Variants in VPS13C observed in about 807,000 individuals in gnomAD.
The protein encoded by VPS13C is vacuolar protein sorting 13 homolog C.
Under a neutral mutation model 456.8 loss-of-function variants are expected in VPS13C, and 358 were observed. That is an observed-to-expected ratio of 0.78 (90% CI 0.72 to 0.86). VPS13C has a LOEUF of 0.86. Among genes scored for constraint, VPS13C ranks in the 40% least tolerant of loss-of-function variants. The probability of loss-of-function intolerance (pLI) is 0.00; values close to 1 mark genes in which losing one functional copy is unlikely to be tolerated. For synonymous variants in VPS13C, 1,578 were observed against 1,486.7 expected, an observed-to-expected ratio of 1.06 and a Z score of -1.41; for missense variants, 4,818 against 4,385.4, an observed-to-expected ratio of 1.10 and a Z score of -2.79.
intron 66 of VPS13C, 111 bp downstream of exon 66, chr15:61,907,153 T>C (rs762336388): frequency 1.7e-5 from 26 of 1,532,072 alleles, no homozygotes; most frequent in Non-Finnish European, 2.3e-5. Context: ...TTTCTGGAAA[T>C]ACTTCCAATT....
chr15:61,895,250 T>C (rs1262358402), intron 66 of VPS13C, among the ~76,000 whole-genome samples: 1 of 151,686 alleles, frequency 6.6e-6, no homozygotes, highest in Non-Finnish European at 1.5e-5. Context: ...AATGCCTATA[T>C]CAAAAAAGTA....
intron 45 of VPS13C, among the ~76,000 whole-genome samples, chr15:61,944,761 T>C (rs2044548277): frequency 6.6e-6 from 1 of 152,162 alleles, no homozygotes; most frequent in African/African-American, 2.4e-5. Context: ...ATGTATGCCC[T>C]GAATCTAAAA....
At position 61,961,784 on chromosome 15, in the gene VPS13C, C is replaced by T. The variant is rs139602306; in HGVS notation, c.3713G>A (p.Arg1238His). 78 of 1,613,866 alleles carry T rather than the reference C, an allele frequency of 4.8e-5. No homozygotes were observed. Among genetic ancestry groups the T allele is most frequent in the Non-Finnish European group, 6.4e-5 (76 of 1,179,970 alleles). The change falls in exon 35 of 85, where the codon CGT becomes CAT. Residue 1238 changes from arginine to histidine, a missense_variant. Transcript: ENST00000644861. ...TTTCAAATCAATATTGATGGAAACACGAAAACTCCTCTGGGCAAGATCTTT... is the reference window on the plus strand; with the variant it reads ...TTTCAAATCAATATTGATGGAAACATGAAAACTCCTCTGGGCAAGATCTTT... Reference protein sequence around the residue: ...SVKDLAQRSFRVSINIDLKAP... With the variant: ...SVKDLAQRSFHVSINIDLKAP...
At chr15:61,872,067 G>T (rs1895074334) in intron 78 of VPS13C, 33 bp from the exon 79 acceptor site, 2 of 1,592,824 alleles carry the variant, frequency 1.3e-6, no homozygotes, top group African/African-American at 1.3e-5. Flanking sequence ...AGTTTAGACT[G>T]AATGGAAGGT....
chr15:61,989,663 A>G (rs924218732), intron 18 of VPS13C, among the ~76,000 whole-genome samples: 2 of 152,212 alleles, frequency 1.3e-5, no homozygotes, highest in African/African-American at 2.4e-5. Context: ...TAAAAAGTGC[A>G]AAACCTCTTT....
intron 41 of VPS13C, 142 bp from the exon 42 acceptor site, chr15:61,949,747 C>A: frequency 1.4e-6 from 1 of 710,318 alleles, no homozygotes; most frequent in South Asian, 2.6e-5. Flanking sequence ...TCACTATTAA[C>A]TCACTATTAA....
chr15:62,008,719 C>T lies in VPS13C; in HGVS notation c.1054G>A (p.Val352Ile), dbSNP rs1161509817. Residue 352 changes from valine to isoleucine, a missense_variant, in exon 14 of 85, where the codon GTT becomes ATT. Coordinates refer to ENST00000644861, the MANE Select transcript of VPS13C (RefSeq NM_020821.3). ...IDLLESVDYM[V>I]RNAPYRKYKP... ...TATTTCCTATAAGGCGCATTCCTAA[C>T]CATATAATCCACTGACTCCAAAAGG... The T allele has an allele frequency of 6.2e-7, 1 of 1,606,382 alleles. No individual in the cohort carries two copies. The highest frequency in any genetic ancestry group is 1.3e-5 in the African/African-American group (1 of 74,662).
intron 1 of VPS13C, among the ~76,000 whole-genome samples, chr15:62,051,978 A>G (rs1360849824): frequency 6.6e-6 from 1 of 152,234 alleles, no homozygotes; most frequent in African/African-American, 2.4e-5. Context: ...GAAGAAATTA[A>G]AGTCTAAAGA....
chr15:62,018,197 G>A (rs979612359), intron 9 of VPS13C, among the ~76,000 whole-genome samples: 21 of 152,206 alleles, frequency 1.4e-4, no homozygotes, highest in Admixed American at 5.9e-4. Context: ...CTGAGACGAT[G>A]GGGTTTTCTA....
intron 64 of VPS13C, among the ~76,000 whole-genome samples, chr15:61,909,948 A>G (rs1214818982): frequency 1.7e-5 from 2 of 121,050 alleles, no homozygotes; most frequent in Admixed American, 1.1e-4. Flanking sequence ...GGACACAGGA[A>G]GGGGAACATC....
intron 3 of VPS13C, among the ~76,000 whole-genome samples, chr15:62,039,985 A>G (rs977446526): frequency 6.6e-6 from 1 of 152,176 alleles, no homozygotes; most frequent in Admixed American, 6.5e-5. Context: ...TGAATGGTTA[A>G]AGAAAATGTG....
chr15:61,855,045 A>G, intron 83 of VPS13C, 91 bp from the exon 84 acceptor site: 1 of 1,014,984 alleles, frequency 9.9e-7, no homozygotes, highest in Non-Finnish European at 1.4e-6. Context: ...TGTCAACTCT[A>G]TCTTATAACA....
In VPS13C at chr15:62,035,009, T is replaced by G; in HGVS notation, c.231A>C (p.Glu77Asp). The change falls in exon 4 of 85, where the codon GAA becomes GAC. Residue 77 changes from glutamate to aspartate, a missense_variant. Glu to Asp is a conservative substitution (Grantham distance 45). Coordinates refer to ENST00000644861, the MANE Select transcript of VPS13C (RefSeq NM_020821.3). ...ATCCTTCCAGGGTCGCAACAACTGC[T>G]TCTCCATAAAGGTTCTTCCAAGGAA... Reference protein sequence around the residue: ...LKIPWKNLYGEAVVATLEGLY... With the variant: ...LKIPWKNLYGDAVVATLEGLY... 1 of 1,604,760 alleles carries G rather than the reference T, an allele frequency of 6.2e-7. No homozygotes were observed. The highest frequency in any genetic ancestry group is 8.5e-7 in the Non-Finnish European group (1 of 1,174,644).
In VPS13C at chr15:61,940,728, CA is replaced by C; in HGVS notation, c.5519del (p.Leu1840CysfsTer7). On this transcript the variant is annotated frameshift_variant, in exon 47 of 85. Coordinates refer to ENST00000644861, the MANE Select transcript of VPS13C (RefSeq NM_020821.3). LOFTEE classifies it high-confidence loss of function. ...CTGCTGCTAAGTTTCGCTGTATGGA[CA>C]AAAGCATGTTGACTGGTTTTAAAAT... ...IEILKPVNML[L>X]SIQRNLAAAW... 1 of 1,613,746 alleles carries C rather than the reference CA, an allele frequency of 6.2e-7. No individual in the cohort carries two copies. The highest frequency in any genetic ancestry group is 8.5e-7 in the Non-Finnish European group (1 of 1,179,850).
chr15:61,892,698 A>T (rs2042688546), intron 66 of VPS13C, among the ~76,000 whole-genome samples: 1 of 152,224 alleles, frequency 6.6e-6, no homozygotes, highest in Non-Finnish European at 1.5e-5. Flanking sequence ...GAGTTCTCAG[A>T]TCAAGAATTC....
At position 61,922,761 on chromosome 15, in the gene VPS13C, A is replaced by G; in HGVS notation, c.6611T>C (p.Ile2204Thr). ...CACAGTATTAAGAATTATGGGTGAA[A>G]TCTTTAAAAAAGAAAGCAGAAAAAT... Reference protein sequence around the residue: ...NIMVKEFIIKISPIILNTVLT... With the variant: ...NIMVKEFIIKTSPIILNTVLT... The change falls in exon 54 of 85, where the codon ATT becomes ACT. Residue 2204 changes from isoleucine (I) to threonine (T), a missense_variant and splice_region_variant. Coordinates refer to ENST00000644861, the MANE Select transcript of VPS13C (RefSeq NM_020821.3). 6.4e-7 allele frequency: 1 copy of G among 1,560,958 alleles called. No homozygotes were observed. The highest frequency in any genetic ancestry group is 1.2e-5 in the South Asian group (1 of 81,488).
At chr15:62,030,825 A>G (rs892907094) in intron 5 of VPS13C, among the ~76,000 whole-genome samples, 10 of 152,134 alleles carry the variant, frequency 6.6e-5, no homozygotes, top group African/African-American at 1.9e-4. Context: ...TCGCTAAAAA[A>G]TATTACTAAC....
chr15:61,855,448 T>C (rs937469830), intron 83 of VPS13C, among the ~76,000 whole-genome samples: 11 of 152,182 alleles, frequency 7.2e-5, no homozygotes, highest in African/African-American at 2.7e-4. Context: ...CCTTAAATTT[T>C]GACACTCTAC....
chr15:61,954,606 A>G, intron 37 of VPS13C, 52 bp from the exon 38 acceptor site: 1 of 1,527,388 alleles, frequency 6.5e-7, no homozygotes, highest in South Asian at 1.3e-5. Context: ...TTCTTCCACA[A>G]ATATTTATTG....
Sources: allele counts gnomAD v4.1 joint callset (sites outside exome capture counted in the v4.1 genomes callset), GRCh38; gene constraint gnomAD v4.1.1; transcripts MANE v1.5; gene names NCBI Gene and HGNC (gene_info 2026-07-23, HGNC 2026-07-21).